The following TMEM38B variants were observed in gnomAD, a reference collection of about 807,000 sequenced individuals.
TMEM38B encodes transmembrane protein 38B.
TMEM38B carries 24 observed loss-of-function variants against 28.7 expected under a neutral mutation model. That is an observed-to-expected ratio of 0.84 (90% CI 0.61 to 1.18). TMEM38B has a LOEUF of 1.18. TMEM38B is among the 50% of genes most tolerant of loss of function. TMEM38B has a pLI of 0.00. For synonymous variants in TMEM38B, 131 were observed against 127.7 expected (o/e 1.03, Z -0.17); for missense variants, 380 against 350.9 (o/e 1.08, Z -0.66).
At position 105,737,584 on chromosome 9, in the gene TMEM38B, C is replaced by T. The variant is rs180700629; in HGVS notation, c.543-10489C>T. On this transcript the variant is annotated intron_variant, in intron 4 of 5. Coordinates refer to ENST00000374692, the MANE Select transcript of TMEM38B (RefSeq NM_018112.3). ...CTGAGGAAGTGGGATGCCTCAGCAG[C>T]GTAGACGCTGGGGACTAGTCCAGTT... 5.7e-3 allele frequency among the ~76,000 whole-genome samples: 872 copies of T among 152,304 alleles called. 5 individuals carry two copies. Among genetic ancestry groups the T allele is most frequent in the Middle Eastern group, 0.014 (4 of 294 alleles).
At chr9:105,743,065 C>G (rs1390150330) in intron 4 of TMEM38B, among the ~76,000 whole-genome samples, 1 of 151,934 alleles carries the variant, frequency 6.6e-6, no homozygotes, top group Non-Finnish European at 1.5e-5. Context: ...TGGAACAGAT[C>G]TGGGGACTAA....
At chr9:105,719,403 GA>G (rs1836238462) in intron 2 of TMEM38B, among the ~76,000 whole-genome samples, 1 of 152,160 alleles carries the variant, frequency 6.6e-6, no homozygotes, top group African/African-American at 2.4e-5. Flanking sequence ...TATGTTTACA[GA>G]AGGGTTACAA....
Position 105,708,238 on chromosome 9 carries a change from A to G in TMEM38B, c.269+2485A>G, listed in dbSNP as rs534186206. Among the ~76,000 whole-genome samples the G allele has an allele frequency of 3.3e-5, 5 of 152,332 alleles. No individual in the cohort carries two copies. The South Asian group carries it at 8.3e-4, about 25-fold the overall frequency. ...GAAAAAAATCCAATAAAAAATAACA[A>G]TGCAACAATAAAAATAATGCAAATA... On this transcript the variant is annotated intron_variant, in intron 2 of 5. Transcript: ENST00000374692.
chr9:105,699,861 C>A (rs927470031), intron 1 of TMEM38B, among the ~76,000 whole-genome samples: 2 of 151,992 alleles, frequency 1.3e-5, no homozygotes, highest in Non-Finnish European at 2.9e-5. Flanking sequence ...TTTTTCTTTT[C>A]TCTGTCTCCT....
At chr9:105,734,936 C>G (rs567203112) in intron 4 of TMEM38B, among the ~76,000 whole-genome samples, 1 of 151,494 alleles carries the variant, frequency 6.6e-6, no homozygotes, top group South Asian at 2.1e-4. Flanking sequence ...TACATTCATC[C>G]TAGAAAAGGG....
chr9:105,734,198 C>T (rs939132650), intron 4 of TMEM38B, among the ~76,000 whole-genome samples: 3 of 151,748 alleles, frequency 2.0e-5, no homozygotes, highest in East Asian at 3.9e-4. Flanking sequence ...CTTCTTTGAC[C>T]CGTTGGTTGC....
chr9:105,701,849 T>C (rs948156794), intron 1 of TMEM38B, among the ~76,000 whole-genome samples: 2 of 152,216 alleles, frequency 1.3e-5, no homozygotes, highest in African/African-American at 4.8e-5. Context: ...ATGTCTGTTC[T>C]AATTACTCAT....
chr9:105,771,192 A>T (rs1564421610), intron 5 of TMEM38B, among the ~76,000 whole-genome samples: 1 of 152,172 alleles, frequency 6.6e-6, no homozygotes, highest in Non-Finnish European at 1.5e-5. Context: ...TAGGTAATAT[A>T]CTTTTTCTTT....
intron 2 of TMEM38B, among the ~76,000 whole-genome samples, chr9:105,715,605 TTTTTCTC>T (rs1164302674): frequency 2.0e-5 from 3 of 152,112 alleles, no homozygotes; most frequent in South Asian, 2.1e-4. Flanking sequence ...TTTTCACTTG[TTTTTCTC>T]TTTTCTCTTT....
intron 4 of TMEM38B, among the ~76,000 whole-genome samples, chr9:105,733,421 C>CTTTTTT (rs71306454): frequency 1.6e-5 from 2 of 127,874 alleles, no homozygotes; most frequent in East Asian, 2.2e-4. Flanking sequence ...TTTCTTTTTT[C>CTTTTTT]TTTTTTTTTT....
At chr9:105,773,795 T>G (rs1429917707) in intron 5 of TMEM38B, 70 bp from the exon 6 acceptor site, 3 of 1,483,038 alleles carry the variant, frequency 2.0e-6, no homozygotes, top group Non-Finnish European at 2.8e-6. Context: ...TTTTTTTTCC[T>G]TTTGTTTCTC....
At chr9:105,761,373 T>A (rs1163941134) in intron 5 of TMEM38B, among the ~76,000 whole-genome samples, 2 of 152,176 alleles carry the variant, frequency 1.3e-5, no homozygotes, top group Non-Finnish European at 1.5e-5. Context: ...GTTTAATATA[T>A]ATATGTTTTG....
chr9:105,773,900 A>G lies in TMEM38B; in HGVS notation c.696A>G (p.Thr232=), dbSNP rs1371992331. The G allele has an allele frequency of 6.2e-7, 1 of 1,613,670 alleles. No individual in the cohort carries two copies. The highest frequency in any genetic ancestry group is 1.7e-5 in the Admixed American group (1 of 59,944). The change falls in exon 6 of 6, where the codon ACA becomes ACG. Residue 232 remains threonine (T), a synonymous_variant. Coordinates refer to ENST00000374692, the MANE Select transcript of TMEM38B (RefSeq NM_018112.3). The stretch of plus-strand genomic sequence containing the variant: ...TGACTACACAGACTTCTACTATGAC[A>G]TTTGCTCCTTTTGAGGATACATTGA... ...TMMTTQTSTM[T]FAPFEDTLSW...
chr9:105,762,692 A>C lies in TMEM38B; in HGVS notation c.661-11173A>C, dbSNP rs879511287. ...TTTGGGTTGGTTCCAAGTCTTTGCT[A>C]TTGTGAATAATGCCGCAATAAACAT... On this transcript the variant is annotated intron_variant, in intron 5 of 5. Coordinates refer to ENST00000374692, the MANE Select transcript of TMEM38B (RefSeq NM_018112.3). Among the ~76,000 whole-genome samples the C allele has an allele frequency of 6.3e-3, 876 of 138,868 alleles. 3 individuals carry two copies. Among genetic ancestry groups the C allele is most frequent in the Middle Eastern group, 0.018 (5 of 278 alleles). The allele number at this position is 138,868 out of a possible 152,430, so 91.1% of individuals were successfully genotyped here. A position where few individuals can be genotyped will look rare whatever the true frequency, so the allele number is the denominator to read the frequency against.
intron 2 of TMEM38B, among the ~76,000 whole-genome samples, chr9:105,719,604 T>A (rs983927272): frequency 1.3e-5 from 2 of 152,166 alleles, no homozygotes; most frequent in Admixed American, 6.5e-5. Flanking sequence ...ACAGTTTTTT[T>A]GTTTAAAATG....
chr9:105,725,689 A>G (rs1007393320), intron 4 of TMEM38B, among the ~76,000 whole-genome samples: 1 of 152,132 alleles, frequency 6.6e-6, no homozygotes, highest in African/African-American at 2.4e-5. Context: ...GTATTTGTGT[A>G]TCTAAACATA....
intron 5 of TMEM38B, chr9:105,758,184 TC>T: frequency 1.5e-6 from 1 of 646,100 alleles, no homozygotes; most frequent in Non-Finnish European, 2.8e-6. Context: ...GGGGTGTGCC[TC>T]CCAGGCCTTA....
At chr9:105,707,528 A>G (rs1466972565) in intron 2 of TMEM38B, among the ~76,000 whole-genome samples, 4 of 152,242 alleles carry the variant, frequency 2.6e-5, no homozygotes, top group African/African-American at 7.2e-5. Flanking sequence ...TAAAATGAAT[A>G]TGTAACCAGT....
intron 4 of TMEM38B, among the ~76,000 whole-genome samples, chr9:105,738,005 G>A (rs1193290667): frequency 1.3e-5 from 2 of 152,142 alleles, no homozygotes; most frequent in African/African-American, 4.8e-5. Flanking sequence ...CAGGCATGGT[G>A]CAGTGATAAC....
Sources: allele counts gnomAD v4.1 joint callset (sites outside exome capture counted in the v4.1 genomes callset), GRCh38; gene constraint gnomAD v4.1.1; transcripts MANE v1.5; gene names NCBI Gene and HGNC (gene_info 2026-07-23, HGNC 2026-07-21).